DEPDC1B: variants seen among roughly 807,000 people sequenced by gnomAD.
DEPDC1B encodes the protein DEP domain-containing protein 1B.
In DEPDC1B, 51 loss-of-function variants were observed where a neutral mutation model predicts 66.5. The ratio of observed to expected loss-of-function variants is 0.77; its 90% CI spans 0.61 to 0.97. The LOEUF (loss-of-function observed/expected upper bound fraction) is 0.97, where lower values mean the gene tolerates loss of function less well. Among genes scored for constraint, DEPDC1B ranks in the 50% least tolerant of loss-of-function variants. DEPDC1B has a pLI of 0.00. For missense variants in DEPDC1B, 552 were observed against 637.1 expected (o/e 0.87, Z 1.44); for synonymous variants, 226 against 223.6 (o/e 1.01, Z -0.10).
intron 7 of DEPDC1B, among the ~76,000 whole-genome samples, chr5:60,633,934 T>TACCCACAA (rs1752982111): frequency 1.3e-5 from 2 of 152,170 alleles, no homozygotes. Flanking sequence ...TCGCAAATTA[T>TACCCACAA]ACCCACAAAT....
In DEPDC1B at chr5:60,657,786, C is replaced by T. The variant is rs190166725; in HGVS notation, c.315-10253G>A. On this transcript the variant is annotated intron_variant, in intron 2 of 10. Transcript: ENST00000265036. ...ATGTGCCTAGGTGATTACCTTTTTG[C>T]GATGAATTTCCCAGATGTTCTTTGA... Among the ~76,000 whole-genome samples the T allele has an allele frequency of 2.0e-3, 301 of 152,230 alleles. 1 individual carries two copies. The highest frequency in any genetic ancestry group is 6.9e-3 in the African/African-American group (286 of 41,542).
rs551641472 is a variant in DEPDC1B at position 60,667,993 on chromosome 5, A to T, written c.314+18969T>A. On this transcript the variant is annotated intron_variant, in intron 2 of 10. Coordinates refer to ENST00000265036, the MANE Select transcript of DEPDC1B (RefSeq NM_018369.3). The stretch of plus-strand genomic sequence containing the variant: ...ATTTTATATATATAAAATGGATATT[A>T]TATATATAAAATGGATATTTTATAT... Among the ~76,000 whole-genome samples the T allele has an allele frequency of 3.0e-3, 311 of 104,024 alleles. 3 individuals carry two copies. The highest frequency in any genetic ancestry group is 4.3e-3 in the Non-Finnish European group (249 of 57,966). 68.2% of individuals were successfully genotyped at this position (104,024 alleles called of 152,430 possible). A position where few individuals can be genotyped will look rare whatever the true frequency, so the allele number is the denominator to read the frequency against.
intron 1 of DEPDC1B, among the ~76,000 whole-genome samples, chr5:60,694,155 T>C (rs1192204634): frequency 1.3e-5 from 2 of 152,176 alleles, no homozygotes; most frequent in African/African-American, 2.4e-5. Flanking sequence ...ACCTATCACA[T>C]ACAGACACAT....
At chr5:60,610,439 C>T (rs1225199219) in intron 7 of DEPDC1B, among the ~76,000 whole-genome samples, 1 of 152,196 alleles carries the variant, frequency 6.6e-6, no homozygotes, top group Non-Finnish European at 1.5e-5. Flanking sequence ...TCACATACAA[C>T]TTTGGCTAGA....
Position 60,603,477 on chromosome 5 carries a change from T to C in DEPDC1B, c.1156A>G (p.Met386Val), listed in dbSNP as rs1189142916. The C allele has an allele frequency of 6.2e-7, 1 of 1,612,956 alleles. No homozygotes were observed. The highest frequency in any genetic ancestry group is 8.5e-7 in the Non-Finnish European group (1 of 1,179,642). ...LLAARLVTFL[M>V]DNYQEILKVP... ...TTCAGAATTTCCTGGTAATTGTCCA[T>C]CAGAAACGTTACCAATCTAGCAGCT... Residue 386 changes from methionine (M) to valine (V), a missense_variant, in exon 9 of 11, where the codon ATG becomes GTG. Coordinates refer to ENST00000265036, the MANE Select transcript of DEPDC1B (RefSeq NM_018369.3).
chr5:60,650,869 CCTGT>C (rs1753435895), intron 2 of DEPDC1B, among the ~76,000 whole-genome samples: 1 of 152,120 alleles, frequency 6.6e-6, no homozygotes, highest in Non-Finnish European at 1.5e-5. Flanking sequence ...CTAGGTGAGC[CCTGT>C]CTAACTGCTT....
intron 2 of DEPDC1B, among the ~76,000 whole-genome samples, chr5:60,668,137 TTA>T (rs369589906): frequency 8.5e-5 from 2 of 23,466 alleles, no homozygotes; most frequent in East Asian, 1.4e-3. Flanking sequence ...AATGGATATT[TTA>T]TATATATATA....
rs1561385076 is a variant in DEPDC1B, at chr5:60,668,209, ATATATATATATAAAATGGATATTT to A, written c.314+18729_314+18752del. Among the ~76,000 whole-genome samples, 546 of 62,728 alleles carry A rather than the reference ATATATATATATAAAATGGATATTT, an allele frequency of 8.7e-3. 65 individuals carry two copies. The highest frequency in any genetic ancestry group is 0.012 in the Non-Finnish European group (421 of 33,962). The allele number at this position is 62,728 out of a possible 152,430, so 41.2% of individuals were successfully genotyped here. A position where few individuals can be genotyped will look rare whatever the true frequency, so the allele number is the denominator to read the frequency against. Reference sequence around the variant, plus strand: ...TATATATATATAAAATGGATATTTTATATATATATATAAAATGGATATTTTATATATATATATAAAATGGATATT... The same window carrying A: ...TATATATATATAAAATGGATATTTTATATATATATATATAAAATGGATATT... On this transcript the variant is annotated intron_variant, in intron 2 of 10. Coordinates refer to ENST00000265036, the MANE Select transcript of DEPDC1B (RefSeq NM_018369.3).
At chr5:60,666,451 C>G (rs922748040) in intron 2 of DEPDC1B, among the ~76,000 whole-genome samples, 5 of 152,128 alleles carry the variant, frequency 3.3e-5, no homozygotes, top group Non-Finnish European at 7.4e-5. Flanking sequence ...ACAAAGACCC[C>G]CCCCATAACA....
intron 2 of DEPDC1B, among the ~76,000 whole-genome samples, chr5:60,685,834 G>T (rs944982346): frequency 6.6e-6 from 1 of 152,152 alleles, no homozygotes; most frequent in Admixed American, 6.5e-5. Context: ...TAAGTACTAA[G>T]GTCTCAGAAT....
intron 2 of DEPDC1B, among the ~76,000 whole-genome samples, chr5:60,682,466 G>A (rs1312670742): frequency 6.6e-6 from 1 of 152,100 alleles, no homozygotes; most frequent in East Asian, 1.9e-4. Context: ...GTATACATAT[G>A]TAACAAACCT....
chr5:60,641,062 C>A (rs1270665688), intron 6 of DEPDC1B, among the ~76,000 whole-genome samples: 1 of 152,184 alleles, frequency 6.6e-6, no homozygotes, highest in Non-Finnish European at 1.5e-5. Flanking sequence ...CTTTTCCCAG[C>A]ACTTGCCACC....
At chr5:60,656,294 G>A (rs1329812965) in intron 2 of DEPDC1B, among the ~76,000 whole-genome samples, 1 of 151,740 alleles carries the variant, frequency 6.6e-6, no homozygotes. Context: ...CCGAGTAGCT[G>A]AGACTACAGG....
At chr5:60,636,580 A>G (rs1480400140) in intron 7 of DEPDC1B, among the ~76,000 whole-genome samples, 1 of 152,224 alleles carries the variant, frequency 6.6e-6, no homozygotes, top group Non-Finnish European at 1.5e-5. Context: ...TCCAACCTAC[A>G]TATGTAGATA....
chr5:60,647,585 T>TA lies in DEPDC1B; in HGVS notation c.315-53dup, dbSNP rs1249833881. On this transcript the variant is annotated intron_variant, in intron 2 of 10. Transcript: ENST00000265036. ...TACTGCAGTCAGTGGGAGACACAGA[T>TA]ATTTTAACAATAGTCTCCACTTTGG... is the stretch of plus-strand genomic sequence containing the variant. 5 of 1,574,006 alleles carry TA rather than the reference T, an allele frequency of 3.2e-6. No individual in the cohort carries two copies. The African/African-American group carries it at 6.9e-5, about 22-fold the overall frequency.
intron 7 of DEPDC1B, among the ~76,000 whole-genome samples, chr5:60,617,084 T>C (rs1752574934): frequency 6.6e-6 from 1 of 152,100 alleles, no homozygotes; most frequent in South Asian, 2.1e-4. Context: ...GACAAGCAAA[T>C]GCTGAGAGAT....
intron 10 of DEPDC1B, among the ~76,000 whole-genome samples, chr5:60,598,792 A>G (rs959072380): frequency 1.3e-5 from 2 of 152,204 alleles, no homozygotes; most frequent in South Asian, 2.1e-4. Context: ...ATGCTCTGCT[A>G]ATTCACATCA....
chr5:60,659,491 C>T (rs888034384), intron 2 of DEPDC1B, among the ~76,000 whole-genome samples: 4 of 152,188 alleles, frequency 2.6e-5, no homozygotes, highest in African/African-American at 9.7e-5. Context: ...ACCCTTCTGG[C>T]TTGGGAGCAT....
At position 60,603,488 on chromosome 5, in the gene DEPDC1B, A is replaced by G; in HGVS notation, c.1145T>C (p.Val382Ala). 1 of 1,613,156 alleles carries G rather than the reference A, an allele frequency of 6.2e-7. No homozygotes were observed. The highest frequency in any genetic ancestry group is 8.5e-7 in the Non-Finnish European group (1 of 1,179,660). The stretch of plus-strand genomic sequence containing the variant: ...CTGGTAATTGTCCATCAGAAACGTT[A>G]CCAATCTAGCAGCTAATAACTCATC... Reference protein sequence around the residue: ...DLDELLAARLVTFLMDNYQEI... With the variant: ...DLDELLAARLATFLMDNYQEI... The change falls in exon 9 of 11, where the codon GTA becomes GCA. Residue 382 changes from valine (V) to alanine (A), a missense_variant. Transcript: ENST00000265036.
Sources: allele counts gnomAD v4.1 joint callset (sites outside exome capture counted in the v4.1 genomes callset), GRCh38; gene constraint gnomAD v4.1.1; transcripts MANE v1.5; gene names NCBI Gene and HGNC (gene_info 2026-07-23, HGNC 2026-07-21).